The following PTPRG variants were observed in gnomAD, a reference collection of about 807,000 sequenced individuals.
PTPRG encodes the protein protein tyrosine phosphatase receptor type G, also known as receptor-type tyrosine-protein phosphatase gamma.
A neutral mutation model predicts 165.3 loss-of-function variants in PTPRG; 102 were observed. The observed-to-expected ratio is 0.62, with a 90% confidence interval of 0.53 to 0.73. The LOEUF (loss-of-function observed/expected upper bound fraction) is 0.73, where lower values mean the gene tolerates loss of function less well. PTPRG is among the 30% of genes least tolerant of loss of function. PTPRG has a pLI of 0.00. For synonymous variants in PTPRG, 675 were observed against 669.5 expected, an observed-to-expected ratio of 1.01 and a Z score of -0.13; for missense variants, 1,866 against 1,861.4, an observed-to-expected ratio of 1.00 and a Z score of -0.05.
intron 1 of PTPRG, among the ~76,000 whole-genome samples, chr3:61,712,928 A>G (rs760649228): frequency 6.6e-5 from 10 of 152,212 alleles, no homozygotes; most frequent in Non-Finnish European, 1.5e-4. Flanking sequence ...AGGTGACAAG[A>G]TTAAGAGAAT....
intron 5 of PTPRG, among the ~76,000 whole-genome samples, chr3:62,109,958 A>G (rs751721814): frequency 3.9e-5 from 6 of 152,084 alleles, no homozygotes; most frequent in Non-Finnish European, 7.3e-5. Flanking sequence ...TTTCTTTGCC[A>G]GAGGTTCCAT....
At chr3:61,756,271 A>AC (rs2033631382) in intron 2 of PTPRG, among the ~76,000 whole-genome samples, 1 of 152,196 alleles carries the variant, frequency 6.6e-6, no homozygotes. Flanking sequence ...CCCTGTTGCT[A>AC]CCTAAATGTT....
Position 62,293,251 on chromosome 3 carries a change from G to A in PTPRG, c.4282G>A (p.Ala1428Thr), listed in dbSNP as rs1702963366. 6.2e-7 allele frequency: 1 copy of A among 1,611,810 alleles called. No homozygotes were observed. Among genetic ancestry groups the A allele is most frequent in the Non-Finnish European group, 8.5e-7 (1 of 1,179,132 alleles). Residue 1428 changes from alanine to threonine, a missense_variant, in exon 30 of 30, where the codon GCT becomes ACT. By Grantham distance (58) the Ala-to-Thr change is moderately conservative. Transcript: ENST00000474889. ...TCCCATGACAGTAGACAAAAATGGT[G>A]CTGTTCTTATTGCAGATGAATCAGA... ...NGPMTVDKNG[A>T]VLIADESDPA...
At chr3:61,979,226 T>G (rs969115551) in intron 2 of PTPRG, among the ~76,000 whole-genome samples, 1 of 152,184 alleles carries the variant, frequency 6.6e-6, no homozygotes, top group Non-Finnish European at 1.5e-5. Context: ...TGGTTCAGAG[T>G]CCAATAGTCT....
At chr3:61,985,103 C>T (rs1284229731) in intron 2 of PTPRG, among the ~76,000 whole-genome samples, 1 of 152,230 alleles carries the variant, frequency 6.6e-6, no homozygotes, top group Non-Finnish European at 1.5e-5. Flanking sequence ...TGGGAACTTA[C>T]TCACTAAATC....
At chr3:62,079,692 A>G (rs566101209) in intron 5 of PTPRG, among the ~76,000 whole-genome samples, 1 of 152,356 alleles carries the variant, frequency 6.6e-6, no homozygotes, top group Admixed American at 6.5e-5. Context: ...TTTCATGAAC[A>G]CAATAGAGCA....
rs1700675112 is a variant in PTPRG at position 62,222,614 on chromosome 3, C to T, written c.2288+3631C>T. 1.3e-5 allele frequency among the ~76,000 whole-genome samples: 2 copies of T among 152,138 alleles called. No homozygotes were observed. Among genetic ancestry groups the T allele is most frequent in the African/African-American group, 2.4e-5 (1 of 41,410 alleles). ...CTCAGAAGTAGGATCAGTACCATTG[C>T]CATCAAAACCTTGGACTGAAGCCGA... On this transcript the variant is annotated intron_variant, in intron 13 of 29. Coordinates refer to ENST00000474889, the MANE Select transcript of PTPRG (RefSeq NM_002841.4). This position sits in a 1 kb window ranked among gnomAD's most constrained non-coding sequence, Gnocchi z 4.5.
At chr3:62,030,364 A>G (rs2107780515) in intron 4 of PTPRG, among the ~76,000 whole-genome samples, 1 of 152,320 alleles carries the variant, frequency 6.6e-6, no homozygotes, top group South Asian at 2.1e-4. Flanking sequence ...GTCTAATTGA[A>G]ATATTGCTTT....
intron 2 of PTPRG, among the ~76,000 whole-genome samples, chr3:61,823,166 A>T (rs1336210338): frequency 6.6e-6 from 1 of 152,186 alleles, no homozygotes; most frequent in Non-Finnish European, 1.5e-5. Context: ...GTTGAAATTG[A>T]TGATGAGCCA....
At chr3:62,069,698 A>ACG (rs386661608) in intron 4 of PTPRG, among the ~76,000 whole-genome samples, 2 of 150,506 alleles carry the variant, frequency 1.3e-5, no homozygotes, top group African/African-American at 4.9e-5. Flanking sequence ...ACACAGACAC[A>ACG]CGCACACACA....
intron 2 of PTPRG, among the ~76,000 whole-genome samples, chr3:61,881,604 C>A (rs2037890858): frequency 6.6e-6 from 1 of 152,144 alleles, no homozygotes; most frequent in Non-Finnish European, 1.5e-5. Context: ...GTTAGTAATA[C>A]AGTGAATGTG....
intron 2 of PTPRG, among the ~76,000 whole-genome samples, chr3:61,779,808 T>A (rs572524754): frequency 2.6e-4 from 40 of 152,324 alleles, no homozygotes; most frequent in Admixed American, 1.6e-3. Context: ...GTCCTCCTGC[T>A]GGCACTTGCA....
intron 4 of PTPRG, among the ~76,000 whole-genome samples, chr3:62,069,637 G>GTCTCTCTC (rs537162206): frequency 1.7e-4 from 24 of 141,138 alleles, no homozygotes; most frequent in Admixed American, 4.3e-4. Context: ...TAGGATCGAT[G>GTCTCTCTC]TCTCTCTCTC....
intron 1 of PTPRG, among the ~76,000 whole-genome samples, chr3:61,572,750 T>A (rs981426290): frequency 2.6e-5 from 4 of 152,178 alleles, no homozygotes; most frequent in African/African-American, 7.2e-5. Context: ...CCTATGTTAG[T>A]GCTTGGCAAC....
At chr3:62,077,204 C>T (rs761868740) in intron 4 of PTPRG, among the ~76,000 whole-genome samples, 3 of 151,906 alleles carry the variant, frequency 2.0e-5, no homozygotes, top group South Asian at 2.1e-4. Flanking sequence ...AGATGGAGGC[C>T]GCAGTGAGCC....
intron 2 of PTPRG, among the ~76,000 whole-genome samples, chr3:61,817,074 TTATATATAA>T (rs1196446460): frequency 7.6e-6 from 1 of 132,372 alleles, no homozygotes; most frequent in Non-Finnish European, 1.6e-5. Context: ...AATACATATA[TTATATATAA>T]TATATATTAC....
At chr3:61,999,856 A>G (rs1415468089) in intron 3 of PTPRG, among the ~76,000 whole-genome samples, 1 of 152,246 alleles carries the variant, frequency 6.6e-6, no homozygotes, top group Non-Finnish European at 1.5e-5. Flanking sequence ...ATGAATGAGT[A>G]TCAGGGAACT....
At chr3:61,748,431 CTTT>C (rs1244238358) in intron 1 of PTPRG, among the ~76,000 whole-genome samples, 1 of 152,168 alleles carries the variant, frequency 6.6e-6, no homozygotes, top group Non-Finnish European at 1.5e-5. Context: ...GCCCGAGGGT[CTTT>C]ACACACAGGT....
chr3:61,658,809 T>A (rs1174492196), intron 1 of PTPRG, among the ~76,000 whole-genome samples: 1 of 152,198 alleles, frequency 6.6e-6, no homozygotes, highest in Non-Finnish European at 1.5e-5. Context: ...CAGGTCCGTA[T>A]TTTTTGGCCA....
Sources: allele counts gnomAD v4.1 joint callset (sites outside exome capture counted in the v4.1 genomes callset), GRCh38; gene constraint gnomAD v4.1.1; non-coding constraint Gnocchi (gnomAD v3.1); transcripts MANE v1.5; gene names NCBI Gene and HGNC (gene_info 2026-07-23, HGNC 2026-07-21).